Variants in FGL2 observed in about 807,000 individuals in gnomAD.
FGL2 encodes fibroleukin.
A neutral mutation model predicts 36.0 loss-of-function variants in FGL2; 21 were observed. The ratio of observed to expected loss-of-function variants is 0.58; its 90% CI spans 0.41 to 0.84. FGL2 has a LOEUF of 0.84. FGL2 is among the 40% of genes least tolerant of loss of function. The pLI is 0.00. For synonymous variants in FGL2, 183 were observed against 190.7 expected (o/e 0.96, Z 0.33); for missense variants, 444 against 526.3 (o/e 0.84, Z 1.53).
rs1018821901 is a variant in FGL2 at position 77,195,553 on chromosome 7, T to G, written c.*726A>C. 7 of 152,214 alleles carry G rather than the reference T, an allele frequency of 4.6e-5. No homozygotes were observed. The highest frequency in any genetic ancestry group is 1.7e-4 in the African/African-American group (7 of 41,446). The allele number at this position is 152,214 out of a possible 1,614,324, so 9.4% of individuals were successfully genotyped here. ...ATTAAGTTTGTCTCAGAATGAAGATTACCCAAATAATTATAGCCTGAAAAG... is the reference window on the plus strand; with the variant it reads ...ATTAAGTTTGTCTCAGAATGAAGATGACCCAAATAATTATAGCCTGAAAAG... On this transcript the variant is annotated 3_prime_UTR_variant, in exon 2 of 2. Transcript: ENST00000248598.
rs767928669 is a variant in FGL2 at position 77,199,186 on chromosome 7, C to T, written c.608G>A (p.Arg203His). The T allele has an allele frequency of 1.9e-5, 31 of 1,612,358 alleles. No homozygotes were observed. Among genetic ancestry groups the T allele is most frequent in the Middle Eastern group, 1.6e-4 (1 of 6,066 alleles). Residue 203 changes from arginine to histidine, a missense_variant, in exon 1 of 2, where the codon CGT (arginine) becomes CAT (histidine). By Grantham distance (29) the Arg-to-His change is conservative. Coordinates refer to ENST00000248598, the MANE Select transcript of FGL2 (RefSeq NM_006682.3). ...GAAAACATTATTATACATACCTGGACGTGACTGTATTTGTTCTTGGCTGGG... is the reference window on the plus strand; with the variant it reads ...GAAAACATTATTATACATACCTGGATGTGACTGTATTTGTTCTTGGCTGGG... ...KCPSQEQIQS[R>H]PVQHLIYKDC...
In FGL2 at chr7:77,194,854, A is replaced by G. The variant is rs1791835721; in HGVS notation, c.*1425T>C. ...CGATGATGAAATTAAACACATTTAA[A>G]AAGTCTTTTAAATATTATATATAGC... On this transcript the variant is annotated 3_prime_UTR_variant, in exon 2 of 2. Transcript: ENST00000248598. 1 of 152,154 alleles carries G rather than the reference A, an allele frequency of 6.6e-6. No individual in the cohort carries two copies. Among genetic ancestry groups the G allele is most frequent in the Non-Finnish European group, 1.5e-5 (1 of 67,996 alleles). 9.4% of individuals were successfully genotyped at this position (152,154 alleles called of 1,614,324 possible). A position where few individuals can be genotyped will look rare whatever the true frequency, so the allele number is the denominator to read the frequency against.
In FGL2 at chr7:77,196,928, C is replaced by T. The variant is rs761218758; in HGVS notation, c.671G>A (p.Ser224Asn). Residue 224 changes from serine (S) to asparagine (N), a missense_variant, in exon 2 of 2, where the codon AGT becomes AAT. Transcript: ENST00000248598. This position sits in a 1 kb window ranked among gnomAD's most constrained non-coding sequence, Gnocchi z 4.2. Reference sequence around the variant, plus strand: ...ATCAGGTGTAACTCTGTAGGTCTCACTGCTTCTTTTGCCTATTGCGTAGTA... The same window carrying T: ...ATCAGGTGTAACTCTGTAGGTCTCATTGCTTCTTTTGCCTATTGCGTAGTA... Reference protein sequence around the residue: ...SDYYAIGKRSSETYRVTPDPK... With the variant: ...SDYYAIGKRSNETYRVTPDPK... 12 of 1,613,740 alleles carry T rather than the reference C, an allele frequency of 7.4e-6. No homozygotes were observed. The Admixed American group carries it at 2.0e-4, about 27-fold the overall frequency.
In FGL2 at chr7:77,199,563, C is replaced by T. The variant is rs375839514; in HGVS notation, c.231G>A (p.Glu77=). Reference sequence around the variant, plus strand: ...TGAGGTTTTGGACTTCTTTGAACACCTCCTCGATCCTGCTGAATTGCTTCG... The same window carrying T: ...TGAGGTTTTGGACTTCTTTGAACACTTCCTCGATCCTGCTGAATTGCTTCG... ...QLPKQFSRIE[E]VFKEVQNLKE... Residue 77 remains glutamate (E), a synonymous_variant, in exon 1 of 2, where the codon GAG becomes GAA. Coordinates refer to ENST00000248598, the MANE Select transcript of FGL2 (RefSeq NM_006682.3). 1 of 1,614,014 alleles carries T rather than the reference C, an allele frequency of 6.2e-7. No individual in the cohort carries two copies. Among genetic ancestry groups the T allele is most frequent in the Non-Finnish European group, 8.5e-7 (1 of 1,180,024 alleles).
chr7:77,198,946 G>C, intron 1 of FGL2: 1 of 538,824 alleles, frequency 1.9e-6, no homozygotes, highest in Non-Finnish European at 3.2e-6. Context: ...TAACAAATAA[G>C]ATCTTAAAAT....
chr7:77,194,061 T>C lies in FGL2; in HGVS notation c.*2218A>G, dbSNP rs137860483. 5.9e-5 allele frequency: 9 copies of C among 152,248 alleles called. No individual in the cohort carries two copies. The East Asian group carries it at 1.7e-3, about 29-fold the overall frequency. 9.4% of individuals were successfully genotyped at this position (152,248 alleles called of 1,614,324 possible). A position where few individuals can be genotyped will look rare whatever the true frequency, so the allele number is the denominator to read the frequency against. On this transcript the variant is annotated 3_prime_UTR_variant, in exon 2 of 2. Transcript: ENST00000248598. ...GAAAGTATAATGAAAAATAAAGTGATCCCTTGAAATAATGTGGATAGAACA... is the reference window on the plus strand; with the variant it reads ...GAAAGTATAATGAAAAATAAAGTGACCCCTTGAAATAATGTGGATAGAACA...
In FGL2 at chr7:77,197,924, T is replaced by C. The variant is rs557910361; in HGVS notation, c.614-939A>G. On this transcript the variant is annotated intron_variant, in intron 1 of 1. Coordinates refer to ENST00000248598, the MANE Select transcript of FGL2 (RefSeq NM_006682.3). ...CAGACAGATATTTACTCCCAGATAG[T>C]TTTTATTAAAATGTGTGACAAATAA... is the stretch of plus-strand genomic sequence containing the variant. Among the ~76,000 whole-genome samples, 3 of 152,298 alleles carry C rather than the reference T, an allele frequency of 2.0e-5. No individual in the cohort carries two copies. The East Asian group carries it at 5.8e-4, about 29-fold the overall frequency.
chr7:77,199,461 T>C lies in FGL2; in HGVS notation c.333A>G (p.Arg111=), dbSNP rs752410697. 42 of 1,614,060 alleles carry C rather than the reference T, an allele frequency of 2.6e-5. No individual in the cohort carries two copies. Among genetic ancestry groups the C allele is most frequent in the Non-Finnish European group, 3.3e-5 (39 of 1,180,048 alleles). The change falls in exon 1 of 2, where the codon AGA becomes AGG. Residue 111 remains arginine (R), a synonymous_variant. Coordinates refer to ENST00000248598, the MANE Select transcript of FGL2 (RefSeq NM_006682.3). ...CTGTACTGGGTAACAACAGTCCGTT[T>C]CTGCCTGGGTCTCCGTTGTCATCAG... ...LQADDNGDPG[R]NGLLLPSTGA...
rs1375437846 is a variant in FGL2, at chr7:77,199,231, T to A, written c.563A>T (p.Asp188Val). The A allele has an allele frequency of 6.2e-7, 1 of 1,614,010 alleles. No individual in the cohort carries two copies. The highest frequency in any genetic ancestry group is 1.1e-5 in the South Asian group (1 of 91,076). ...ANLTFVVNSLDGKCSKCPSQE... is the reference protein window; with the variant it reads ...ANLTFVVNSLVGKCSKCPSQE... ...GCTGGGACACTTTGAACATTTGCCA[T>A]CCAAACTATTGACAACAAATGTTAG... Residue 188 changes from aspartate (D) to valine (V), a missense_variant, in exon 1 of 2, where the codon GAT (aspartate) becomes GTT (valine). Physicochemically the swap from Asp to Val is radical, Grantham distance 152. Transcript: ENST00000248598.
At chr7:77,197,526 C>T (rs1791897049) in intron 1 of FGL2, among the ~76,000 whole-genome samples, 3 of 152,204 alleles carry the variant, frequency 2.0e-5, no homozygotes, top group Non-Finnish European at 4.4e-5. Context: ...TCCTAAAAAT[C>T]AGATGATTCT....
rs1388708578 is a variant in FGL2, at chr7:77,196,401, C to T, written c.1198G>A (p.Gly400Ser). 6.2e-7 allele frequency: 1 copy of T among 1,614,076 alleles called. No individual in the cohort carries two copies. Among genetic ancestry groups the T allele is most frequent in the South Asian group, 1.1e-5 (1 of 91,088 alleles). The change falls in exon 2 of 2, where the codon GGT becomes AGT. Residue 400 changes from glycine to serine, a missense_variant. By Grantham distance (56) the Gly-to-Ser change is moderately conservative (BLOSUM62 0). Coordinates refer to ENST00000248598, the MANE Select transcript of FGL2 (RefSeq NM_006682.3). The surrounding 1 kb of genome is among the most constrained non-coding windows in gnomAD (Gnocchi z 4.2). ...CCCCAGAAAATCCCATTACGGACAC[C>T]TCTGTATTTTTGGTGATAATATTTG... ...NGKYYHQKYR[G>S]VRNGIFWGTW...
At position 77,194,746 on chromosome 7, in the gene FGL2, A is replaced by G. The variant is rs1329132579; in HGVS notation, c.*1533T>C. ...TATTTCTAGGACTGGCATACACTAC[A>G]GTGAATTACTTCAAATGTTACTCTA... On this transcript the variant is annotated 3_prime_UTR_variant, in exon 2 of 2. Transcript: ENST00000248598. 2.0e-5 allele frequency: 3 copies of G among 152,168 alleles called. No homozygotes were observed. Among genetic ancestry groups the G allele is most frequent in the Admixed American group, 1.3e-4 (2 of 15,282 alleles). 9.4% of individuals were successfully genotyped at this position (152,168 alleles called of 1,614,324 possible). A position where few individuals can be genotyped will look rare whatever the true frequency, so the allele number is the denominator to read the frequency against.
intron 1 of FGL2, chr7:77,198,421 AC>A (rs888316209): frequency 2.0e-6 from 1 of 488,784 alleles, no homozygotes; most frequent in African/African-American, 2.1e-5. Flanking sequence ...GAGAGTCAAT[AC>A]CACTGTTAGT....
rs1791840177 is a variant in FGL2, at chr7:77,195,078, T to G, written c.*1201A>C. On this transcript the variant is annotated 3_prime_UTR_variant, in exon 2 of 2. Coordinates refer to ENST00000248598, the MANE Select transcript of FGL2 (RefSeq NM_006682.3). ...CTTAGCCTTCTATGAAGTGAATCAC[T>G]TAATGATATTATTGCTTTGGAGATA... 6.6e-6 allele frequency: 1 copy of G among 152,194 alleles called. No homozygotes were observed. The highest frequency in any genetic ancestry group is 1.5e-5 in the Non-Finnish European group (1 of 68,012). The allele number at this position is 152,194 out of a possible 1,614,324, so 9.4% of individuals were successfully genotyped here. A position where few individuals can be genotyped will look rare whatever the true frequency, so the allele number is the denominator to read the frequency against.
At position 77,199,415 on chromosome 7, in the gene FGL2, C is replaced by A. The variant is rs761091736; in HGVS notation, c.379G>T (p.Asp127Tyr). 3.7e-6 allele frequency: 6 copies of A among 1,614,062 alleles called. No homozygotes were observed. The East Asian group carries it at 1.3e-4, about 36-fold the overall frequency. ...CTCTCTAATTCTCTAACTCTGTTAT[C>A]ACCAACCTCTCCCGGGGCTCCTGTA... is the stretch of plus-strand genomic sequence containing the variant. Reference protein sequence around the residue: ...PSTGAPGEVGDNRVRELESEV... With the variant: ...PSTGAPGEVGYNRVRELESEV... The change falls in exon 1 of 2, where the codon GAT becomes TAT. Residue 127 changes from aspartate (D) to tyrosine (Y), a missense_variant. Coordinates refer to ENST00000248598, the MANE Select transcript of FGL2 (RefSeq NM_006682.3).
rs1791815090 is a variant in FGL2, at chr7:77,193,827, A to G, written c.*2452T>C. ...AACAAATATTAGCCATCAAAATGGA[A>G]CCAAGACAAGATTCTAATGTTTGTA... On this transcript the variant is annotated 3_prime_UTR_variant, in exon 2 of 2. Transcript: ENST00000248598. 1 of 152,604 alleles carries G rather than the reference A, an allele frequency of 6.6e-6. No individual in the cohort carries two copies. The highest frequency in any genetic ancestry group is 1.5e-5 in the Non-Finnish European group (1 of 67,988). The allele number at this position is 152,604 out of a possible 1,614,324, so 9.5% of individuals were successfully genotyped here.
Position 77,196,340 on chromosome 7 carries a change from C to A in FGL2, c.1259G>T (p.Gly420Val), listed in dbSNP as rs1268487077. Residue 420 changes from glycine (G) to valine (V), a missense_variant, in exon 2 of 2, where the codon GGC (glycine) becomes GTC (valine). Coordinates refer to ENST00000248598, the MANE Select transcript of FGL2 (RefSeq NM_006682.3). This position sits in a 1 kb window ranked among gnomAD's most constrained non-coding sequence, Gnocchi z 4.2. ...AGCCTCTTTGAAGGAGGACTTGTAG[C>A]CACCAGGGTGTGCCTCACTTACACC... is the stretch of plus-strand genomic sequence containing the variant. ...WPGVSEAHPG[G>V]YKSSFKEAKM... The A allele has an allele frequency of 6.2e-7, 1 of 1,614,116 alleles. No individual in the cohort carries two copies. The highest frequency in any genetic ancestry group is 1.1e-5 in the South Asian group (1 of 91,084).
chr7:77,196,814 G>A lies in FGL2; in HGVS notation c.785C>T (p.Thr262Ile), dbSNP rs1314982299. 3 of 1,613,930 alleles carry A rather than the reference G, an allele frequency of 1.9e-6. No homozygotes were observed. Among genetic ancestry groups the A allele is most frequent in the South Asian group, 2.2e-5 (2 of 91,072 alleles). Residue 262 changes from threonine to isoleucine, a missense_variant, in exon 2 of 2, where the codon ACC becomes ATC. Thr to Ile is a moderately conservative substitution (Grantham distance 89). Coordinates refer to ENST00000248598, the MANE Select transcript of FGL2 (RefSeq NM_006682.3). The surrounding 1 kb of genome is among the most constrained non-coding windows in gnomAD (Gnocchi z 4.2). ...TVLQARLDGS[T>I]NFTRTWQDYK... ...GTCTTGCCATGTTCTGGTGAAGTTGGTGCTCCCATCGAGACGTGCCTGCAG... is the reference window on the plus strand; with the variant it reads ...GTCTTGCCATGTTCTGGTGAAGTTGATGCTCCCATCGAGACGTGCCTGCAG...
At position 77,196,150 on chromosome 7, in the gene FGL2, G is replaced by C; in HGVS notation, c.*129C>G. ...TCAGCTTTATTTCAAATGCTGTGTAGCATAAGAACCTAGCCGTCAGACATC... is the reference window on the plus strand; with the variant it reads ...TCAGCTTTATTTCAAATGCTGTGTACCATAAGAACCTAGCCGTCAGACATC... On this transcript the variant is annotated 3_prime_UTR_variant, in exon 2 of 2. Coordinates refer to ENST00000248598, the MANE Select transcript of FGL2 (RefSeq NM_006682.3). The surrounding 1 kb of genome is among the most constrained non-coding windows in gnomAD (Gnocchi z 4.2). 1.5e-6 allele frequency: 1 copy of C among 665,000 alleles called. No homozygotes were observed. Among genetic ancestry groups the C allele is most frequent in the African/African-American group, 1.8e-5 (1 of 55,172 alleles). The allele number at this position is 665,000 out of a possible 1,614,324, so 41.2% of individuals were successfully genotyped here.
Sources: gnomAD v4.1 joint callset for allele counts (sites outside exome capture counted in the v4.1 genomes callset) on GRCh38, gnomAD v4.1.1 for gene constraint, Gnocchi (gnomAD v3.1) non-coding constraint, MANE v1.5 for transcripts, NCBI Gene and HGNC (gene_info 2026-07-23, HGNC 2026-07-21) for gene names.